PRIM2: variants seen among roughly 807,000 people sequenced by gnomAD.
The protein encoded by PRIM2 is DNA primase large subunit.
Under a neutral mutation model 67.3 loss-of-function variants are expected in PRIM2, and 39 were observed. The observed-to-expected ratio is 0.58, with a 90% CI of 0.45 to 0.76. The LOEUF (loss-of-function observed/expected upper bound fraction) is 0.76, where lower values mean the gene tolerates loss of function less well. PRIM2 is among the 30% of genes least tolerant of loss of function. PRIM2 has a pLI of 0.00. For missense variants in PRIM2, 398 were observed against 598.7 expected, an observed-to-expected ratio of 0.66 and a Z score of 3.50; for synonymous variants, 143 against 198.7, an observed-to-expected ratio of 0.72 and a Z score of 2.36.
chr6:57,338,113 A>G (rs1391736642), intron 5 of PRIM2, among the ~76,000 whole-genome samples: 2 of 151,664 alleles, frequency 1.3e-5, no homozygotes, highest in Non-Finnish European at 2.9e-5. Flanking sequence ...TCTAGAAGAA[A>G]TGGGTAAATT....
intron 5 of PRIM2, among the ~76,000 whole-genome samples, chr6:57,368,948 G>A (rs185978738): frequency 1.4e-3 from 213 of 152,236 alleles, no homozygotes; most frequent in African/African-American, 4.8e-3. Flanking sequence ...TCTGTATACC[G>A]GAACTTCACC....
intron 6 of PRIM2, among the ~76,000 whole-genome samples, chr6:57,381,580 A>G (rs931226044): frequency 2.0e-5 from 3 of 151,460 alleles, no homozygotes; most frequent in African/African-American, 7.4e-5. Context: ...CTGGAGTGAG[A>G]ATGGAAACAT....
intron 12 of PRIM2, among the ~76,000 whole-genome samples, chr6:57,617,142 T>C (rs1776770476): frequency 6.6e-6 from 1 of 152,218 alleles, no homozygotes; most frequent in Admixed American, 6.5e-5. Context: ...TTCCCACGTT[T>C]TTCCCAGCTT....
chr6:57,456,710 T>C (rs1234626159), intron 7 of PRIM2, among the ~76,000 whole-genome samples: 1 of 152,102 alleles, frequency 6.6e-6, no homozygotes, highest in Non-Finnish European at 1.5e-5. Flanking sequence ...TCAAGGTTTT[T>C]AACTTCTTTG....
the PRIM2 span, among the ~76,000 whole-genome samples, chr6:57,265,010 CAT>C: frequency 6.6e-6 from 1 of 152,086 alleles, no homozygotes; most frequent in Non-Finnish European, 1.5e-5. Flanking sequence ...AATAGTAGTA[CAT>C]GTTCTACCTA....
At chr6:57,238,234 C>G in the PRIM2 span, among the ~76,000 whole-genome samples, 1 of 152,248 alleles carries the variant, frequency 6.6e-6, no homozygotes, top group South Asian at 2.1e-4. Flanking sequence ...CTACAGAACT[C>G]TCCACCCCAA....
At chr6:57,634,592 A>G (rs1405790036) in intron 13 of PRIM2, among the ~76,000 whole-genome samples, 1 of 152,298 alleles carries the variant, frequency 6.6e-6, no homozygotes, top group African/African-American at 2.4e-5. Flanking sequence ...GATGCTTTTA[A>G]TTAAGAGGCC....
At chr6:57,222,272 T>C in the PRIM2 span, 1 of 152,160 alleles carries the variant, frequency 6.6e-6, no homozygotes, top group Non-Finnish European at 1.5e-5. Context: ...GAGTCTCGAC[T>C]CCCCTCATCT....
chr6:57,292,784 A>T, the PRIM2 span, among the ~76,000 whole-genome samples: 1 of 152,238 alleles, frequency 6.6e-6, no homozygotes, highest in South Asian at 2.1e-4. Flanking sequence ...CTGGCTAGTT[A>T]TATGTAGAAA....
chr6:57,370,967 G>T (rs1463437060), intron 5 of PRIM2, among the ~76,000 whole-genome samples: 2 of 151,856 alleles, frequency 1.3e-5, no homozygotes, highest in Admixed American at 6.6e-5. Flanking sequence ...CAAAGTGCTG[G>T]GATTTCAGGC....
intron 10 of PRIM2, among the ~76,000 whole-genome samples, chr6:57,594,125 G>A (rs1272542299): frequency 6.6e-6 from 1 of 152,168 alleles, no homozygotes; most frequent in Non-Finnish European, 1.5e-5. Flanking sequence ...AAATTTTAAT[G>A]TCTTTGTTTT....
At chr6:57,426,962 C>T (rs376651181) in intron 7 of PRIM2, among the ~76,000 whole-genome samples, 2 of 151,994 alleles carry the variant, frequency 1.3e-5, no homozygotes, top group Non-Finnish European at 2.9e-5. Context: ...GAAATTTCTG[C>T]GTTGTGTTTG....
At chr6:57,326,891 A>ATTTTT (rs1767880943) in intron 5 of PRIM2, among the ~76,000 whole-genome samples, 1 of 113,586 alleles carries the variant, frequency 8.8e-6, no homozygotes, top group African/African-American at 3.5e-5. Flanking sequence ...TAGAATTTGT[A>ATTTTT]TCTTTTTTTT....
intron 7 of PRIM2, among the ~76,000 whole-genome samples, chr6:57,456,429 C>G (rs199598677): frequency 0.64 from 97,009 of 151,722 alleles, 31,204 homozygotes; most frequent in South Asian, 0.74. Context: ...ACACCAATCA[C>G]ACGTAGATTT....
At chr6:57,413,554 G>A (rs192998343) in intron 7 of PRIM2, among the ~76,000 whole-genome samples, 183 of 152,148 alleles carry the variant, frequency 1.2e-3, no homozygotes, top group Admixed American at 4.7e-3. Flanking sequence ...CATAACTCTT[G>A]AATATCAGCA....
chr6:57,234,151 G>A, the PRIM2 span, among the ~76,000 whole-genome samples: 1 of 152,166 alleles, frequency 6.6e-6, no homozygotes, highest in Non-Finnish European at 1.5e-5. Context: ...AGGAATGGAG[G>A]TAAGGGCTGG....
chr6:57,553,638 A>G (rs2127475694), intron 10 of PRIM2, among the ~76,000 whole-genome samples: 1 of 151,112 alleles, frequency 6.6e-6, no homozygotes, highest in South Asian at 2.1e-4. Context: ...GTTTCCTGTT[A>G]TGCTTGCTGT....
chr6:57,602,298 G>A (rs1776485257), intron 11 of PRIM2, among the ~76,000 whole-genome samples: 2 of 152,214 alleles, frequency 1.3e-5, no homozygotes, highest in African/African-American at 4.8e-5. Flanking sequence ...TGATCTGCTC[G>A]CCTTGGCCTC....
the PRIM2 span, among the ~76,000 whole-genome samples, chr6:57,298,719 T>C: frequency 6.6e-6 from 1 of 152,204 alleles, no homozygotes; most frequent in Non-Finnish European, 1.5e-5. Context: ...TTATTTTCAT[T>C]TGTGTAATAT....
Sources: allele counts gnomAD v4.1 joint callset (sites outside exome capture counted in the v4.1 genomes callset), GRCh38; gene constraint gnomAD v4.1.1; transcripts MANE v1.5; gene names NCBI Gene and HGNC (gene_info 2026-07-23, HGNC 2026-07-21).